IQGAP1: variants seen among roughly 807,000 people sequenced by gnomAD.
IQGAP1 encodes the protein ras GTPase-activating-like protein IQGAP1.
A neutral mutation model predicts 215.6 loss-of-function variants in IQGAP1; 66 were observed. The ratio of observed to expected loss-of-function variants is 0.31; its 90% confidence interval spans 0.25 to 0.38. The LOEUF is 0.38. Ranked by LOEUF, IQGAP1 falls within the 10% of genes least tolerant of loss-of-function variation. The probability of loss-of-function intolerance (pLI) is 1.00; values close to 1 mark genes in which losing one functional copy is unlikely to be tolerated. For missense variants in IQGAP1, 1,712 were observed against 1,997.1 expected, an observed-to-expected ratio of 0.86 and a Z score of 2.72; for synonymous variants, 772 against 728.7, an observed-to-expected ratio of 1.06 and a Z score of -0.96.
chr15:90,471,484 C>T (rs549757161), intron 18 of IQGAP1, among the ~76,000 whole-genome samples: 19 of 151,326 alleles, frequency 1.3e-4, no homozygotes, highest in Non-Finnish European at 2.2e-4. Flanking sequence ...CGCATGACCT[C>T]GCTCTACCTC....
In IQGAP1 at chr15:90,441,484, GTTTT is replaced by G. The variant is rs201895237; in HGVS notation, c.650-18_650-15del. On this transcript the variant is annotated intron_variant, in intron 7 of 37. Transcript: ENST00000268182. ...ATAATCTCAGTGTTTTTGTTGGTTT[GTTTT>G]TTTGTTTTTTTTTTTAGTACATGCT... 4.4e-6 allele frequency: 7 copies of G among 1,581,984 alleles called. No homozygotes were observed. The highest frequency in any genetic ancestry group is 6.0e-6 in the Non-Finnish European group (7 of 1,161,108).
chr15:90,388,389 C>T lies in IQGAP1; in HGVS notation c.48C>T (p.His16=), dbSNP rs1326821692. The T allele has an allele frequency of 1.3e-6, 2 of 1,584,472 alleles. No homozygotes were observed. Among genetic ancestry groups the T allele is most frequent in the Non-Finnish European group, 1.7e-6 (2 of 1,167,576 alleles). The part of the protein sequence containing the change: ...EVDGLGVARP[H]YGSVLDNERL... ...ACGGGCTGGGCGTGGCCCGGCCGCA[C>T]TATGGCTGTGAGTGCGGGGCTCCGC... The change falls in exon 1 of 38, where the codon CAC becomes CAT. Residue 16 remains histidine (H), a synonymous_variant. Transcript: ENST00000268182.
chr15:90,415,496 T>C (rs1965032156), intron 2 of IQGAP1, among the ~76,000 whole-genome samples: 1 of 152,194 alleles, frequency 6.6e-6, no homozygotes, highest in Non-Finnish European at 1.5e-5. Flanking sequence ...TTCTTTCTCA[T>C]TTTAAGAGTA....
intron 17 of IQGAP1, among the ~76,000 whole-genome samples, chr15:90,466,907 C>T (rs1965840608): frequency 6.6e-6 from 1 of 152,134 alleles, no homozygotes; most frequent in African/African-American, 2.4e-5. Context: ...GCCTGGCCAA[C>T]ATGGTAAAAC....
chr15:90,492,744 C>T (rs1312587111), intron 35 of IQGAP1, 33 bp downstream of exon 35: 2 of 1,577,608 alleles, frequency 1.3e-6, no homozygotes, highest in South Asian at 1.2e-5. Flanking sequence ...GAATCAATGT[C>T]AGAATTAGAG....
intron 7 of IQGAP1, 132 bp from the exon 8 acceptor site, chr15:90,441,374 T>A (rs1965447018): frequency 1.3e-6 from 1 of 750,732 alleles, no homozygotes; most frequent in Non-Finnish European, 2.1e-6. Flanking sequence ...GAACCCCAGT[T>A]GTTATTTCTC....
At chr15:90,492,419 T>TAAAAAA (rs56724183) in intron 34 of IQGAP1, 126 bp from the exon 35 acceptor site, 17 of 371,080 alleles carry the variant, frequency 4.6e-5, no homozygotes, top group South Asian at 8.2e-5. Flanking sequence ...ACAGAGTGTC[T>TAAAAAA]AAAAAAAAAA....
rs139091763 is a variant in IQGAP1 at position 90,408,369 on chromosome 15, G to C, written c.155+17496G>C. 1.0e-3 allele frequency among the ~76,000 whole-genome samples: 155 copies of C among 152,048 alleles called. 1 individual carries two copies. Among genetic ancestry groups the C allele is most frequent in the African/African-American group, 3.6e-3 (150 of 41,442 alleles). ...TTATAATTGAGACCAGGAGTAATACGGTCCCTAAGCAAGAGAGAAAGAGCA... is the reference window on the plus strand; with the variant it reads ...TTATAATTGAGACCAGGAGTAATACCGTCCCTAAGCAAGAGAGAAAGAGCA... On this transcript the variant is annotated intron_variant, in intron 2 of 37. Coordinates refer to ENST00000268182, the MANE Select transcript of IQGAP1 (RefSeq NM_003870.4).
chr15:90,490,973 A>G (rs1966195035), intron 33 of IQGAP1, among the ~76,000 whole-genome samples: 1 of 152,030 alleles, frequency 6.6e-6, no homozygotes, highest in African/African-American at 2.4e-5. Context: ...ATGCTCGGCT[A>G]ATTTTGTTTT....
At chr15:90,443,622 C>A in intron 9 of IQGAP1, 144 bp downstream of exon 9, 1 of 581,238 alleles carries the variant, frequency 1.7e-6, no homozygotes, top group South Asian at 2.4e-5. Flanking sequence ...TGTTAACAAT[C>A]TTTTGTGTTT....
At chr15:90,482,399 A>G (rs1233941280) in intron 28 of IQGAP1, 118 bp downstream of exon 28, 3 of 912,788 alleles carry the variant, frequency 3.3e-6, no homozygotes, top group Non-Finnish European at 5.3e-6. Flanking sequence ...CTTACCATTG[A>G]TTGTGAGCTT....
At chr15:90,489,254 G>A (rs532354086) in intron 33 of IQGAP1, among the ~76,000 whole-genome samples, 13 of 151,514 alleles carry the variant, frequency 8.6e-5, no homozygotes, top group African/African-American at 2.9e-4. Flanking sequence ...TCAGCCTCCC[G>A]AGTAGCTGGA....
At position 90,466,110 on chromosome 15, in the gene IQGAP1, A is replaced by T; in HGVS notation, c.1867+19A>T. On this transcript the variant is annotated intron_variant, in intron 16 of 37. Coordinates refer to ENST00000268182, the MANE Select transcript of IQGAP1 (RefSeq NM_003870.4). ...CAGAAGTGTATGTATCACCTGTTTT[A>T]TTTCTGTTTTGGTGGAGGCTGGGGT... 1 of 1,611,572 alleles carries T rather than the reference A, an allele frequency of 6.2e-7. No individual in the cohort carries two copies. Among genetic ancestry groups the T allele is most frequent in the African/African-American group, 1.3e-5 (1 of 74,874 alleles).
intron 3 of IQGAP1, among the ~76,000 whole-genome samples, 184 bp from the exon 4 acceptor site, chr15:90,429,405 G>A (rs1243371206): frequency 6.6e-6 from 1 of 152,168 alleles, no homozygotes; most frequent in Admixed American, 6.5e-5. Context: ...GGCTCTCCAG[G>A]TAGTTGCTAA....
chr15:90,424,396 TCTA>T (rs905615247), intron 2 of IQGAP1, among the ~76,000 whole-genome samples: 2 of 152,146 alleles, frequency 1.3e-5, no homozygotes, highest in African/African-American at 4.8e-5. Context: ...CAATTTAAGT[TCTA>T]CTATTTGAAA....
intron 15 of IQGAP1, among the ~76,000 whole-genome samples, chr15:90,460,999 TAAAAAAA>T (rs36022965): frequency 3.4e-5 from 3 of 88,752 alleles, no homozygotes; most frequent in East Asian, 6.9e-4. Context: ...ACCCTGTCTT[TAAAAAAA>T]AAAAAAAAAA....
intron 15 of IQGAP1, among the ~76,000 whole-genome samples, chr15:90,458,145 G>A (rs1965712583): frequency 6.6e-6 from 1 of 152,314 alleles, no homozygotes; most frequent in South Asian, 2.1e-4. Flanking sequence ...ATGTATGGTC[G>A]TTTGTGACTG....
rs544013574 is a variant in IQGAP1 at position 90,451,620 on chromosome 15, T to A, written c.1163-1155T>A. Reference sequence around the variant, plus strand: ...AACACCACCACACTGGGGATCAAGTTTCTTCTTTTTTTTTTTCATACCCTT... The same window carrying A: ...AACACCACCACACTGGGGATCAAGTATCTTCTTTTTTTTTTTCATACCCTT... On this transcript the variant is annotated intron_variant, in intron 11 of 37. Coordinates refer to ENST00000268182, the MANE Select transcript of IQGAP1 (RefSeq NM_003870.4). Among the ~76,000 whole-genome samples, 295 of 152,172 alleles carry A rather than the reference T, an allele frequency of 1.9e-3. 1 individual carries two copies. Among genetic ancestry groups the A allele is most frequent in the Non-Finnish European group, 3.1e-3 (209 of 67,994 alleles).
intron 23 of IQGAP1, among the ~76,000 whole-genome samples, chr15:90,475,051 G>A (rs1474677221): frequency 2.0e-5 from 3 of 147,178 alleles, no homozygotes; most frequent in Non-Finnish European, 4.5e-5. Flanking sequence ...TCAGGCTGGA[G>A]TGCAGTGGCG....
Sources: allele counts gnomAD v4.1 joint callset (sites outside exome capture counted in the v4.1 genomes callset), GRCh38; gene constraint gnomAD v4.1.1; transcripts MANE v1.5; gene names NCBI Gene and HGNC (gene_info 2026-07-23, HGNC 2026-07-21).